The following DGKB variants were observed in gnomAD, a reference collection of about 807,000 sequenced individuals.
DGKB encodes diacylglycerol kinase beta.
In DGKB, 67 loss-of-function variants were observed where a neutral mutation model predicts 114.3. That is an observed-to-expected ratio of 0.59 (90% CI 0.48 to 0.72). The LOEUF is 0.72. Among genes scored for constraint, DGKB ranks in the 30% least tolerant of loss-of-function variants. The pLI is 0.00. For synonymous variants in DGKB, 398 were observed against 323.1 expected, an observed-to-expected ratio of 1.23 and a Z score of -2.49; for missense variants, 907 against 975.2, an observed-to-expected ratio of 0.93 and a Z score of 0.93.
At chr7:14,607,908 G>A (rs1254488723) in intron 16 of DGKB, among the ~76,000 whole-genome samples, 1 of 151,578 alleles carries the variant, frequency 6.6e-6, no homozygotes. Context: ...TGAATAATTT[G>A]TCCTCTATAG....
At chr7:14,918,995 G>T (rs868249309) in intron 1 of DGKB, among the ~76,000 whole-genome samples, 1 of 151,174 alleles carries the variant, frequency 6.6e-6, no homozygotes, top group Non-Finnish European at 1.5e-5. Context: ...CCCAGGAGGC[G>T]GAGGTTCCAG....
intron 2 of DGKB, among the ~76,000 whole-genome samples, chr7:14,787,814 C>T (rs1358029998): frequency 6.6e-6 from 1 of 152,216 alleles, no homozygotes; most frequent in East Asian, 1.9e-4. Flanking sequence ...TCACACAGAG[C>T]AAAGCTGTCT....
chr7:14,189,726 C>T (rs1784033366), intron 23 of DGKB, among the ~76,000 whole-genome samples: 1 of 151,550 alleles, frequency 6.6e-6, no homozygotes, highest in South Asian at 2.1e-4. Context: ...TCCGTGCAAA[C>T]AAAAACAAAA....
chr7:14,547,167 C>T (rs1036072649), intron 20 of DGKB, among the ~76,000 whole-genome samples: 1 of 152,066 alleles, frequency 6.6e-6, no homozygotes, highest in Non-Finnish European at 1.5e-5. Flanking sequence ...TAATGTTACT[C>T]AGAGCTATGC....
At chr7:14,352,552 A>G (rs1019468479) in intron 21 of DGKB, among the ~76,000 whole-genome samples, 13 of 152,212 alleles carry the variant, frequency 8.5e-5, no homozygotes, top group African/African-American at 3.1e-4. Flanking sequence ...ATAAATTCAT[A>G]ATTATTTGAA....
At chr7:14,211,153 A>G (rs1343046330) in intron 23 of DGKB, among the ~76,000 whole-genome samples, 1 of 152,092 alleles carries the variant, frequency 6.6e-6, no homozygotes, top group African/African-American at 2.4e-5. Context: ...ATGAGACTGT[A>G]TCATATAAAT....
chr7:14,865,683 T>G (rs1587007172), intron 1 of DGKB, among the ~76,000 whole-genome samples: 1 of 152,172 alleles, frequency 6.6e-6, no homozygotes, highest in African/African-American at 2.4e-5. Context: ...ACAGTGAGAA[T>G]GAGTAAATGC....
intron 1 of DGKB, among the ~76,000 whole-genome samples, chr7:14,947,811 C>T (rs535477620): frequency 2.9e-4 from 44 of 151,854 alleles, no homozygotes; most frequent in African/African-American, 1.1e-3. Context: ...ATAATTCCAA[C>T]ATATCCGTTA....
chr7:14,739,506 T>A (rs1356917950), intron 4 of DGKB, among the ~76,000 whole-genome samples: 1 of 152,170 alleles, frequency 6.6e-6, no homozygotes, highest in Non-Finnish European at 1.5e-5. Context: ...CTTTCCTTTC[T>A]CTTAATAACT....
intron 1 of DGKB, among the ~76,000 whole-genome samples, chr7:14,859,588 G>C (rs1376479514): frequency 2.0e-5 from 3 of 152,040 alleles, no homozygotes; most frequent in Non-Finnish European, 4.4e-5. Context: ...CTGAGAATGG[G>C]AGAAAATACA....
chr7:14,590,827 TA>T (rs1801585549), intron 17 of DGKB, among the ~76,000 whole-genome samples: 1 of 152,136 alleles, frequency 6.6e-6, no homozygotes, highest in Non-Finnish European at 1.5e-5. Flanking sequence ...ATTACTGATT[TA>T]ATTATATTTT....
intron 2 of DGKB, among the ~76,000 whole-genome samples, chr7:14,765,719 A>G (rs2128461670): frequency 6.6e-6 from 1 of 152,112 alleles, no homozygotes; most frequent in South Asian, 2.1e-4. Flanking sequence ...TTGTGTAGAA[A>G]ATACATTAAG....
intron 23 of DGKB, among the ~76,000 whole-genome samples, chr7:14,290,495 C>T (rs891097937): frequency 6.6e-6 from 1 of 152,060 alleles, no homozygotes; most frequent in Admixed American, 6.6e-5. Flanking sequence ...CTGATGCTCA[C>T]GTCCATCAAA....
intron 23 of DGKB, among the ~76,000 whole-genome samples, chr7:14,240,213 A>G (rs1793438049): frequency 6.6e-6 from 1 of 152,066 alleles, no homozygotes; most frequent in Non-Finnish European, 1.5e-5. Context: ...TAATTTCTAC[A>G]TTCTACGTCC....
At chr7:14,755,022 A>G (rs1834666941) in intron 3 of DGKB, among the ~76,000 whole-genome samples, 1 of 152,196 alleles carries the variant, frequency 6.6e-6, no homozygotes, top group South Asian at 2.1e-4. Context: ...TGAATCTTGG[A>G]CAAATCATTT....
At chr7:14,209,492 T>G (rs1167804169) in intron 23 of DGKB, 2 of 492,590 alleles carry the variant, frequency 4.1e-6, no homozygotes, top group Non-Finnish European at 8.4e-6. Context: ...TTCCAAAGGT[T>G]TTTTTATCCT....
Position 14,658,377 on chromosome 7 carries a change from G to A in DGKB, c.1134+14552C>T, listed in dbSNP as rs1457008026. 5.9e-5 allele frequency among the ~76,000 whole-genome samples: 9 copies of A among 151,906 alleles called. 1 individual carries two copies. The highest frequency in any genetic ancestry group is 4.1e-4 in the South Asian group (2 of 4,820). On this transcript the variant is annotated intron_variant, in intron 13 of 25. Coordinates refer to ENST00000402815, the MANE Select transcript of DGKB (RefSeq NM_001350709.2). ...GGGAGTTAAAAAGTTAATTCCATGC[G>A]GGTAGAGAGTAGAATGATGGTTATC...
chr7:14,233,363 G>T (rs1015301385), intron 23 of DGKB, among the ~76,000 whole-genome samples: 3 of 152,000 alleles, frequency 2.0e-5, no homozygotes, highest in Admixed American at 6.6e-5. Context: ...TGCCAGGGGA[G>T]GATGTTCGTA....
At chr7:14,620,928 T>C (rs1028720165) in intron 15 of DGKB, among the ~76,000 whole-genome samples, 1 of 151,768 alleles carries the variant, frequency 6.6e-6, no homozygotes, top group African/African-American at 2.4e-5. Context: ...ACATTCTTTA[T>C]TATTAAAAAT....
Sources: gnomAD v4.1 joint callset for allele counts (sites outside exome capture counted in the v4.1 genomes callset) on GRCh38, gnomAD v4.1.1 for gene constraint, MANE v1.5 for transcripts, NCBI Gene and HGNC (gene_info 2026-07-23, HGNC 2026-07-21) for gene names.